Variants in CLIC6 observed in about 807,000 individuals in gnomAD.
The protein encoded by CLIC6 is CLIC family member 6.
Under a neutral mutation model 49.2 loss-of-function variants are expected in CLIC6, and 39 were observed. The observed-to-expected ratio is 0.79, with a 90% CI of 0.61 to 1.04. CLIC6 has a LOEUF of 1.04. Among genes scored for constraint, CLIC6 ranks in the 50% least tolerant of loss-of-function variants. CLIC6 has a pLI of 0.00. For missense variants in CLIC6, 988 were observed against 993.1 expected (o/e 0.99, Z 0.07); for synonymous variants, 446 against 433.4 (o/e 1.03, Z -0.36).
chr21:34,692,585 C>A (rs1990016331), intron 1 of CLIC6, among the ~76,000 whole-genome samples: 1 of 152,222 alleles, frequency 6.6e-6, no homozygotes, highest in African/African-American at 2.4e-5. Context: ...TAAGATATTT[C>A]TGTTTACTCA....
intron 4 of CLIC6, 70 bp downstream of exon 4, chr21:34,708,876 C>T (rs1469735654): frequency 4.6e-6 from 5 of 1,083,184 alleles, no homozygotes; most frequent in Non-Finnish European, 7.0e-6. Flanking sequence ...CCCATACGCT[C>T]CTGGGGTATT....
At chr21:34,670,912 G>C (rs2145794144) in intron 1 of CLIC6, 150 bp downstream of exon 1, 1 of 932,050 alleles carries the variant, frequency 1.1e-6, no homozygotes, top group East Asian at 2.9e-5. Context: ...AGGCGGGACA[G>C]CCGGGATTTC....
chr21:34,700,457 A>G (rs576973040), intron 1 of CLIC6, among the ~76,000 whole-genome samples: 4 of 139,656 alleles, frequency 2.9e-5, no homozygotes, highest in South Asian at 4.5e-4. Context: ...AAAAAAAAAA[A>G]AAAAAGAAAA....
At chr21:34,714,284 A>G (rs539548742) in intron 5 of CLIC6, among the ~76,000 whole-genome samples, 18 of 152,384 alleles carry the variant, frequency 1.2e-4, no homozygotes, top group African/African-American at 4.3e-4. Flanking sequence ...ATAATAAACT[A>G]TGTCATTACC....
chr21:34,706,639 T>A (rs1241385287), intron 1 of CLIC6, among the ~76,000 whole-genome samples: 1 of 152,206 alleles, frequency 6.6e-6, no homozygotes, highest in Admixed American at 6.5e-5. Flanking sequence ...TCCACCATCA[T>A]AGACAAGTTT....
chr21:34,669,726 C>T lies in CLIC6; in HGVS notation c.338C>T (p.Pro113Leu), dbSNP rs1213187841. 7.2e-7 allele frequency: 1 copy of T among 1,382,676 alleles called. No individual in the cohort carries two copies. The highest frequency in any genetic ancestry group is 9.3e-7 in the Non-Finnish European group (1 of 1,078,366). The allele number at this position is 1,382,676 out of a possible 1,614,324, so 85.7% of individuals were successfully genotyped here. ...SGAQQVEGAS[P>L]GRGAQGEPRG... ...GCGCAGCAGGTGGAGGGGGCGAGCCCGGGACGCGGCGCGCAGGGCGAGCCC... is the reference window on the plus strand; with the variant it reads ...GCGCAGCAGGTGGAGGGGGCGAGCCTGGGACGCGGCGCGCAGGGCGAGCCC... Residue 113 changes from proline (P) to leucine (L), a missense_variant, in exon 1 of 6, where the codon CCG (proline) becomes CTG (leucine). Around this residue, in one of 3 missense-constraint regions of CLIC6, gnomAD observed 284 missense variants for 278.6 expected, o/e 1.02. Coordinates refer to ENST00000349499, the MANE Select transcript of CLIC6 (RefSeq NM_053277.3).
intron 5 of CLIC6, among the ~76,000 whole-genome samples, chr21:34,710,106 A>G (rs913092191): frequency 1.3e-5 from 2 of 151,384 alleles, no homozygotes; most frequent in East Asian, 3.9e-4. Flanking sequence ...GACCCCATCT[A>G]TACAAAAAAT....
At chr21:34,676,477 A>G (rs1378578186) in intron 1 of CLIC6, among the ~76,000 whole-genome samples, 1 of 152,238 alleles carries the variant, frequency 6.6e-6, no homozygotes, top group African/African-American at 2.4e-5. Context: ...AATGTAGTAC[A>G]TTATGTCTGT....
At position 34,707,269 on chromosome 21, in the gene CLIC6, T is replaced by C. The variant is rs777141962; in HGVS notation, c.1375-11T>C. The C allele has an allele frequency of 6.2e-7, 1 of 1,600,206 alleles. No homozygotes were observed. Among genetic ancestry groups the C allele is most frequent in the Non-Finnish European group, 8.6e-7 (1 of 1,167,306 alleles). The stretch of plus-strand genomic sequence containing the variant: ...ACTGGCTCAGATAGAAATCTCCTTC[T>C]CCACTTGTAGGCTGGTTATGATGGT... On this transcript the variant is annotated splice_polypyrimidine_tract_variant and intron_variant, in intron 1 of 5. Coordinates refer to ENST00000349499, the MANE Select transcript of CLIC6 (RefSeq NM_053277.3).
chr21:34,697,648 G>C (rs1990110992), intron 1 of CLIC6, among the ~76,000 whole-genome samples: 1 of 152,214 alleles, frequency 6.6e-6, no homozygotes, highest in Non-Finnish European at 1.5e-5. Flanking sequence ...AATAATCCCA[G>C]CTTGCCCAGG....
intron 1 of CLIC6, among the ~76,000 whole-genome samples, chr21:34,697,237 C>T (rs577697650): frequency 1.3e-5 from 2 of 152,196 alleles, no homozygotes; most frequent in East Asian, 1.9e-4. Flanking sequence ...TTTTTAACTG[C>T]ATCTCTAGTT....
Position 34,707,965 on chromosome 21 carries a change from C to A in CLIC6, c.1506C>A (p.Asn502Lys), listed in dbSNP as rs200757485. The change falls in exon 3 of 6, where the codon AAC becomes AAA. Residue 502 changes from asparagine to lysine, a missense_variant. By Grantham distance (94) the Asn-to-Lys change is moderately conservative (BLOSUM62 0). Transcript: ENST00000349499. ...DLKRKPADLQ[N>K]LAPGTNPPFM... ...CTAGGAAACCCGCAGACCTGCAGAA[C>A]CTGGCTCCCGGAACAAACCCTCCTT... is the stretch of plus-strand genomic sequence containing the variant. 5.0e-6 allele frequency: 8 copies of A among 1,614,020 alleles called. No individual in the cohort carries two copies. The highest frequency in any genetic ancestry group is 5.9e-6 in the Non-Finnish European group (7 of 1,180,038).
chr21:34,671,066 A>G (rs1348873102), intron 1 of CLIC6, among the ~76,000 whole-genome samples: 3 of 150,562 alleles, frequency 2.0e-5, no homozygotes, highest in African/African-American at 7.3e-5. Flanking sequence ...CTTTGACCTG[A>G]ACATCCTAAC....
rs181341216 is a variant in CLIC6 at position 34,697,300 on chromosome 21, C to T, written c.1375-9980C>T. Among the ~76,000 whole-genome samples, 457 of 152,214 alleles carry T rather than the reference C, an allele frequency of 3.0e-3. 3 individuals carry two copies. The highest frequency in any genetic ancestry group is 4.7e-3 in the Non-Finnish European group (322 of 68,010). On this transcript the variant is annotated intron_variant, in intron 1 of 5. Coordinates refer to ENST00000349499, the MANE Select transcript of CLIC6 (RefSeq NM_053277.3). The stretch of plus-strand genomic sequence containing the variant: ...TGGCCAAAGCCAGGAGGGGAAAGGC[C>T]GTCCCTGTATTAGCTGGTTCTCCAC...
At chr21:34,691,710 T>C (rs1489606286) in intron 1 of CLIC6, among the ~76,000 whole-genome samples, 1 of 152,258 alleles carries the variant, frequency 6.6e-6, no homozygotes, top group Non-Finnish European at 1.5e-5. Context: ...CAGCACATTG[T>C]GCAATTGCCT....
intron 5 of CLIC6, among the ~76,000 whole-genome samples, chr21:34,709,863 G>A (rs2056043926): frequency 6.6e-6 from 1 of 152,224 alleles, no homozygotes. Flanking sequence ...GAGAATTAGA[G>A]ATGAGGCTCG....
chr21:34,711,365 C>T (rs1007217987), intron 5 of CLIC6, among the ~76,000 whole-genome samples: 31 of 151,948 alleles, frequency 2.0e-4, no homozygotes, highest in Non-Finnish European at 4.3e-4. Context: ...AACCCTATCT[C>T]TACAAAAAAT....
intron 1 of CLIC6, among the ~76,000 whole-genome samples, chr21:34,670,978 A>G (rs1302640551): frequency 6.6e-6 from 1 of 150,800 alleles, no homozygotes; most frequent in Admixed American, 6.6e-5. Flanking sequence ...GGAAGCAAAG[A>G]CTTTGGGGGT....
rs186915918 is a variant in CLIC6, at chr21:34,674,049, C to G, written c.1374+3287C>G. On this transcript the variant is annotated intron_variant, in intron 1 of 5. Transcript: ENST00000349499. ...AAACATTCTCCTAGCCTTCATATGA[C>G]AGCTGAGCAAACACATTTTAAAATC... Among the ~76,000 whole-genome samples the G allele has an allele frequency of 9.8e-5, 15 of 152,294 alleles. No homozygotes were observed. In the East Asian group the frequency reaches 2.9e-3, roughly 29 times the overall value.
Sources: allele counts gnomAD v4.1 joint callset (sites outside exome capture counted in the v4.1 genomes callset), GRCh38; gene constraint gnomAD v4.1.1; regional missense constraint gnomAD v4.1.1; transcripts MANE v1.5; gene names NCBI Gene and HGNC (gene_info 2026-07-23, HGNC 2026-07-21).